ISG20: variants seen among roughly 807,000 people sequenced by gnomAD.
ISG20 encodes interferon stimulated exonuclease gene 20, also known as interferon-stimulated gene 20 kDa protein.
A neutral mutation model predicts 11.1 loss-of-function variants in ISG20; 8 were observed. The observed-to-expected ratio is 0.72, with a 90% CI of 0.42 to 1.30. ISG20 has a LOEUF of 1.30. Among genes scored for constraint, ISG20 ranks in the 50% most tolerant of loss-of-function variants. ISG20 has a pLI of 0.01. For synonymous variants in ISG20, 110 were observed against 101.7 expected (o/e 1.08, Z -0.49); for missense variants, 243 against 250.2 (o/e 0.97, Z 0.19).
intron 2 of ISG20, chr15:88,649,688 G>A (rs772504162): frequency 2.8e-4 from 43 of 155,954 alleles, no homozygotes; most frequent in Admixed American, 1.9e-3. Context: ...CTCTGAGGTC[G>A]TGTGCCTGTT....
intron 2 of ISG20, among the ~76,000 whole-genome samples, chr15:88,641,457 C>T (rs1282598160): frequency 6.6e-6 from 1 of 152,112 alleles, no homozygotes; most frequent in Non-Finnish European, 1.5e-5. Context: ...AGGTGTCGCC[C>T]AGGTTGGTTC....
At chr15:88,651,364 AG>A (rs1391794456) in intron 2 of ISG20, 1 of 900,508 alleles carries the variant, frequency 1.1e-6, no homozygotes, top group African/African-American at 1.8e-5. Flanking sequence ...CTTCTCTTAC[AG>A]TTCTGTAGTT....
chr15:88,642,285 C>T (rs1348981147), intron 2 of ISG20, among the ~76,000 whole-genome samples: 1 of 152,180 alleles, frequency 6.6e-6, no homozygotes, highest in East Asian at 1.9e-4. Flanking sequence ...CACCCTACTA[C>T]TCCAGTGTGA....
At chr15:88,649,172 C>T (rs2058229786) in intron 2 of ISG20, 1 of 152,316 alleles carries the variant, frequency 6.6e-6, no homozygotes, top group African/African-American at 2.4e-5. Flanking sequence ...TGAGGTCACA[C>T]AGCAAGTTCC....
intron 2 of ISG20, among the ~76,000 whole-genome samples, chr15:88,645,930 G>C (rs1296403100): frequency 6.6e-6 from 1 of 152,212 alleles, no homozygotes; most frequent in Non-Finnish European, 1.5e-5. Flanking sequence ...TTTGCACACA[G>C]GTGACTTGAG....
At position 88,655,449 on chromosome 15, in the gene ISG20, C is replaced by A. The variant is rs924299632; in HGVS notation, c.464C>A (p.Ala155Glu). Residue 155 changes from alanine to glutamate, a missense_variant, in exon 4 of 4, where the codon GCG becomes GAG. Physicochemically the swap from Ala to Glu is moderately radical, Grantham distance 107 (BLOSUM62 -1). Coordinates refer to ENST00000306072, the MANE Select transcript of ISG20 (RefSeq NM_002201.6). The stretch of plus-strand genomic sequence containing the variant: ...CTTGGACACAGCTCGGTGGAAGATG[C>A]GAGGGCAACGATGGAGCTCTATCAA... ...SLLGHSSVED[A>E]RATMELYQIS... is the part of the protein sequence containing the mutation. 16 of 1,613,846 alleles carry A rather than the reference C, an allele frequency of 9.9e-6. No individual in the cohort carries two copies. Among genetic ancestry groups the A allele is most frequent in the African/African-American group, 1.3e-5 (1 of 74,926 alleles).
In ISG20 at chr15:88,639,417, G is replaced by A. The variant is rs1320026557; in HGVS notation, c.51G>A (p.Leu17=). ...CCATGGACTGCGAGATGGTGGGGCTGGGGCCCCACCGGGAGAGTGGCCTGG... is the reference window on the plus strand; with the variant it reads ...CCATGGACTGCGAGATGGTGGGGCTAGGGCCCCACCGGGAGAGTGGCCTGG... The part of the protein sequence containing the change: ...VVAMDCEMVG[L]GPHRESGLAR... The change falls in exon 2 of 4, where the codon CTG becomes CTA. Residue 17 remains leucine (L), a synonymous_variant. Coordinates refer to ENST00000306072, the MANE Select transcript of ISG20 (RefSeq NM_002201.6). This position sits in a 1 kb window ranked among gnomAD's most constrained non-coding sequence, Gnocchi z 4.2. 1.1e-5 allele frequency: 18 copies of A among 1,613,648 alleles called. No individual in the cohort carries two copies. Among genetic ancestry groups the A allele is most frequent in the Non-Finnish European group, 1.4e-5 (16 of 1,179,812 alleles).
chr15:88,650,967 T>C lies in ISG20; in HGVS notation c.229-1143T>C, dbSNP rs141029171. ...TTAGTAGAGACAGAGTCTCACCATG[T>C]TGGCCAGGCTGGTCTCAAACTCCTG... On this transcript the variant is annotated intron_variant, in intron 2 of 3. Transcript: ENST00000306072. The surrounding 1 kb of genome is among the most constrained non-coding windows in gnomAD (Gnocchi z 4.0). 106 of 153,318 alleles carry C rather than the reference T, an allele frequency of 6.9e-4. No homozygotes were observed. The South Asian group carries it at 0.01, about 15-fold the overall frequency. The allele number at this position is 153,318 out of a possible 1,614,324, so 9.5% of individuals were successfully genotyped here.
chr15:88,639,722 G>A lies in ISG20; in HGVS notation c.228+128G>A, dbSNP rs1247410700. The A allele has an allele frequency of 2.8e-6, 2 of 702,082 alleles. No homozygotes were observed. Among genetic ancestry groups the A allele is most frequent in the East Asian group, 2.7e-5 (1 of 36,992 alleles). 43.5% of individuals were successfully genotyped at this position (702,082 alleles called of 1,614,324 possible). A position where few individuals can be genotyped will look rare whatever the true frequency, so the allele number is the denominator to read the frequency against. On this transcript the variant is annotated intron_variant, in intron 2 of 3. Coordinates refer to ENST00000306072, the MANE Select transcript of ISG20 (RefSeq NM_002201.6). The surrounding 1 kb of genome is among the most constrained non-coding windows in gnomAD (Gnocchi z 4.2). ...AAGATTTCCCACACTGCTGTTGGGA[G>A]AAAGCCGGTGGTGTCTCCATCACAT...
At chr15:88,648,678 G>C (rs2058220203) in intron 2 of ISG20, 1 of 152,248 alleles carries the variant, frequency 6.6e-6, no homozygotes, top group African/African-American at 2.4e-5. Flanking sequence ...GCAGCTTTCA[G>C]CTGACTAGCT....
Position 88,639,317 on chromosome 15 carries a change from AC to A in ISG20, c.-24-24del. 1 of 1,448,378 alleles carries A rather than the reference AC, an allele frequency of 6.9e-7. No homozygotes were observed. Among genetic ancestry groups the A allele is most frequent in the African/African-American group, 1.4e-5 (1 of 70,932 alleles). 89.7% of individuals were successfully genotyped at this position (1,448,378 alleles called of 1,614,324 possible). On this transcript the variant is annotated intron_variant, in intron 1 of 3. Coordinates refer to ENST00000306072, the MANE Select transcript of ISG20 (RefSeq NM_002201.6). The surrounding 1 kb of genome is among the most constrained non-coding windows in gnomAD (Gnocchi z 4.2). ...GAGGCTTGGTTTGCCCAAGCGTGAG[AC>A]CGCCCCCCATACCCCTCTCTCCAGC... is the stretch of plus-strand genomic sequence containing the variant.
intron 2 of ISG20, among the ~76,000 whole-genome samples, chr15:88,644,566 AG>A (rs2058138581): frequency 6.6e-6 from 1 of 150,742 alleles, no homozygotes; most frequent in Non-Finnish European, 1.5e-5. Context: ...AAAAAAAAAA[AG>A]AGTCAGAGGC....
At chr15:88,644,913 C>T (rs1219411386) in intron 2 of ISG20, among the ~76,000 whole-genome samples, 1 of 152,232 alleles carries the variant, frequency 6.6e-6, no homozygotes, top group Non-Finnish European at 1.5e-5. Flanking sequence ...CTCCGAGTCC[C>T]TGTACATCCA....
At chr15:88,637,575 A>T (rs2058004845), upstream of ISG20, 1 of 152,292 alleles carries the variant, frequency 6.6e-6, no homozygotes, top group South Asian at 2.1e-4. Flanking sequence ...AAACGGTAAG[A>T]ATTAGAGGCA....
chr15:88,644,539 A>G lies in ISG20; in HGVS notation c.228+4945A>G, dbSNP rs1158171325. Among the ~76,000 whole-genome samples, 12 of 141,568 alleles carry G rather than the reference A, an allele frequency of 8.5e-5. 1 individual carries two copies. The Admixed American group carries it at 8.7e-4, about 10-fold the overall frequency. 92.9% of individuals were successfully genotyped at this position (141,568 alleles called of 152,430 possible). A position where few individuals can be genotyped will look rare whatever the true frequency, so the allele number is the denominator to read the frequency against. On this transcript the variant is annotated intron_variant, in intron 2 of 3. Transcript: ENST00000306072. The stretch of plus-strand genomic sequence containing the variant: ...AAAGTGAGACTTAGTCTCCAAAAAA[A>G]AAAAAAAAGAAAAGACAAAAAAAAA...
chr15:88,640,870 G>A (rs2058068904), intron 2 of ISG20, among the ~76,000 whole-genome samples: 1 of 151,370 alleles, frequency 6.6e-6, no homozygotes, highest in Non-Finnish European at 1.5e-5. Context: ...CAGCAGCTGG[G>A]ATCACTTGAG....
At chr15:88,646,496 C>T (rs2058175688) in intron 2 of ISG20, among the ~76,000 whole-genome samples, 1 of 152,136 alleles carries the variant, frequency 6.6e-6, no homozygotes, top group Non-Finnish European at 1.5e-5. Flanking sequence ...TCCTGCATAG[C>T]ACATGGGTGG....
rs1390556188 is a variant in ISG20, at chr15:88,650,249, C to T, written c.229-1861C>T. On this transcript the variant is annotated intron_variant, in intron 2 of 3. Coordinates refer to ENST00000306072, the MANE Select transcript of ISG20 (RefSeq NM_002201.6). The surrounding 1 kb of genome is among the most constrained non-coding windows in gnomAD (Gnocchi z 4.0). ...TCTATTTTCAGGTCCCCTTCCCATCCTCTCCAACGGCAGCTGAGTGAAAGC... is the reference window on the plus strand; with the variant it reads ...TCTATTTTCAGGTCCCCTTCCCATCTTCTCCAACGGCAGCTGAGTGAAAGC... 44 of 1,535,598 alleles carry T rather than the reference C, an allele frequency of 2.9e-5. No homozygotes were observed. The highest frequency in any genetic ancestry group is 3.7e-5 in the Non-Finnish European group (42 of 1,146,902).
chr15:88,653,497 C>T (rs1274816282), intron 3 of ISG20, among the ~76,000 whole-genome samples: 1 of 152,142 alleles, frequency 6.6e-6, no homozygotes, highest in African/African-American at 2.4e-5. Flanking sequence ...GAGTCTGGGC[C>T]TGTTAGCCTC....
Sources: gnomAD v4.1 joint callset for allele counts (sites outside exome capture counted in the v4.1 genomes callset) on GRCh38, gnomAD v4.1.1 for gene constraint, Gnocchi (gnomAD v3.1) non-coding constraint, MANE v1.5 for transcripts, NCBI Gene and HGNC (gene_info 2026-07-23, HGNC 2026-07-21) for gene names.